The following RAMP1 variants were observed in gnomAD, a reference collection of about 807,000 sequenced individuals.
RAMP1 encodes the protein receptor activity-modifying protein 1.
RAMP1 carries 7 observed loss-of-function variants against 8.2 expected under a neutral mutation model. That is an observed-to-expected ratio of 0.85 (90% CI 0.49 to 1.60). RAMP1 has a LOEUF of 1.60. Ranked by LOEUF, RAMP1 falls within the 40% of genes most tolerant of loss-of-function variation. The pLI, the probability that RAMP1 is intolerant of heterozygous loss-of-function variation, is 0.00. For synonymous variants in RAMP1, 92 were observed against 84.7 expected, an observed-to-expected ratio of 1.09 and a Z score of -0.47; for missense variants, 192 against 202.4, an observed-to-expected ratio of 0.95 and a Z score of 0.31.
chr2:237,906,170 G>A (rs574042691), intron 2 of RAMP1, among the ~76,000 whole-genome samples: 66 of 152,158 alleles, frequency 4.3e-4, no homozygotes, highest in African/African-American at 1.5e-3. Flanking sequence ...GACTCAAACC[G>A]TCACGACTTC....
chr2:237,888,865 G>A (rs1383521372), intron 2 of RAMP1, among the ~76,000 whole-genome samples: 9 of 152,004 alleles, frequency 5.9e-5, no homozygotes, highest in East Asian at 1.9e-4. Context: ...CCTGCCTCCC[G>A]GGTTCAAGTG....
chr2:237,899,444 A>G lies in RAMP1; in HGVS notation c.192-12084A>G, dbSNP rs926415264. ...TCAAGGTTGTGGCTTTTTTAAAATC[A>G]GAAAAGAATATTGAGTTTTCTCAAA... is the stretch of plus-strand genomic sequence containing the variant. On this transcript the variant is annotated intron_variant, in intron 2 of 2. Transcript: ENST00000254661. Among the ~76,000 whole-genome samples the G allele has an allele frequency of 5.2e-5, 8 of 152,386 alleles. No homozygotes were observed. In the South Asian group the frequency reaches 8.3e-4, roughly 16 times the overall value.
chr2:237,871,462 C>T (rs1039788455), intron 1 of RAMP1, among the ~76,000 whole-genome samples: 3 of 152,166 alleles, frequency 2.0e-5, no homozygotes, highest in East Asian at 1.9e-4. Flanking sequence ...AGATGCTCAC[C>T]GGGGACAGAG....
intron 2 of RAMP1, 61 bp from the exon 3 acceptor site, chr2:237,911,467 G>A: frequency 6.3e-7 from 1 of 1,589,476 alleles, no homozygotes; most frequent in Non-Finnish European, 8.6e-7. Flanking sequence ...AGCCCGGGCT[G>A]GGGTCCCGCG....
Position 237,904,807 on chromosome 2 carries a change from C to T in RAMP1, c.192-6721C>T, listed in dbSNP as rs542051423. ...AATAGGAGACTAAGACTTGAACAAG[C>T]GAATGAGGTCTCCAGGATCACTCTG... is the stretch of plus-strand genomic sequence containing the variant. On this transcript the variant is annotated intron_variant, in intron 2 of 2. Transcript: ENST00000254661. Among the ~76,000 whole-genome samples the T allele has an allele frequency of 1.7e-4, 26 of 152,176 alleles. No individual in the cohort carries two copies. In the East Asian group the frequency reaches 2.9e-3, roughly 17 times the overall value.
intron 2 of RAMP1, among the ~76,000 whole-genome samples, chr2:237,894,823 C>A (rs930371183): frequency 2.6e-5 from 4 of 152,302 alleles, no homozygotes; most frequent in African/African-American, 9.6e-5. Flanking sequence ...CAAACACGTT[C>A]AAAGACGGAA....
At position 237,866,636 on chromosome 2, in the gene RAMP1, C is replaced by T. The variant is rs144486339; in HGVS notation, c.52+6909C>T. Among the ~76,000 whole-genome samples, 1,447 of 152,224 alleles carry T rather than the reference C, an allele frequency of 9.5e-3. 11 individuals are homozygous for T. The highest frequency in any genetic ancestry group is 0.015 in the Non-Finnish European group (1,053 of 68,026). On this transcript the variant is annotated intron_variant, in intron 1 of 2. Transcript: ENST00000254661. Reference sequence around the variant, plus strand: ...AGCTCTTGACTCCCCCAAAGCTTAACGACAGCCTACTATTGAGCAGAGGCC... The same window carrying T: ...AGCTCTTGACTCCCCCAAAGCTTAATGACAGCCTACTATTGAGCAGAGGCC...
intron 2 of RAMP1, among the ~76,000 whole-genome samples, chr2:237,902,401 G>A (rs1216403183): frequency 2.6e-5 from 4 of 151,456 alleles, no homozygotes; most frequent in Admixed American, 6.6e-5. Flanking sequence ...GGAAGAGGAG[G>A]GGCCAGAAGG....
intron 2 of RAMP1, among the ~76,000 whole-genome samples, chr2:237,887,789 A>G (rs1384977242): frequency 6.6e-6 from 1 of 152,186 alleles, no homozygotes. Flanking sequence ...AAATGTAAAC[A>G]TTAGCTGAGT....
At chr2:237,910,168 G>A (rs976442038) in intron 2 of RAMP1, among the ~76,000 whole-genome samples, 3 of 151,024 alleles carry the variant, frequency 2.0e-5, no homozygotes, top group Non-Finnish European at 4.4e-5. Flanking sequence ...ACAGTCACAC[G>A]TGCACACACA....
Position 237,862,605 on chromosome 2 carries a change from T to C in RAMP1, c.52+2878T>C, listed in dbSNP as rs1030613684. On this transcript the variant is annotated intron_variant, in intron 1 of 2. Coordinates refer to ENST00000254661, the MANE Select transcript of RAMP1 (RefSeq NM_005855.4). This position sits in a 1 kb window ranked among gnomAD's most constrained non-coding sequence, Gnocchi z 4.0. The stretch of plus-strand genomic sequence containing the variant: ...AACTGGCGTCTGGCTGACTGTGTGA[T>C]GCAGGTGCCATGTGTAGTGTGAATT... 6.6e-6 allele frequency among the ~76,000 whole-genome samples: 1 copy of C among 152,250 alleles called. No homozygotes were observed. The highest frequency in any genetic ancestry group is 2.4e-5 in the African/African-American group (1 of 41,460).
intron 2 of RAMP1, among the ~76,000 whole-genome samples, chr2:237,895,735 G>C (rs1576551367): frequency 6.6e-6 from 1 of 152,220 alleles, no homozygotes; most frequent in East Asian, 1.9e-4. Context: ...GGGCCGGCTG[G>C]CTGGGGCTGA....
At chr2:237,902,291 CGGGAGGAGGAGGAGGGGCT>C (rs1559953242) in intron 2 of RAMP1, among the ~76,000 whole-genome samples, 1 of 62,510 alleles carries the variant, frequency 1.6e-5, no homozygotes, top group Non-Finnish European at 3.1e-5. Context: ...AAGGAGGGAT[CGGGAGGAGGAGGAGGGGCT>C]GGGAGGAGGA....
intron 2 of RAMP1, among the ~76,000 whole-genome samples, chr2:237,882,381 G>A (rs969735599): frequency 1.3e-5 from 2 of 152,204 alleles, no homozygotes; most frequent in South Asian, 2.1e-4. Flanking sequence ...TTATTACCGC[G>A]TGCTGGGCTT....
At chr2:237,871,077 C>T (rs990787786) in intron 1 of RAMP1, among the ~76,000 whole-genome samples, 4 of 152,202 alleles carry the variant, frequency 2.6e-5, no homozygotes, top group East Asian at 1.9e-4. Flanking sequence ...AGGAACAACC[C>T]GGCCCTGGCC....
intron 2 of RAMP1, among the ~76,000 whole-genome samples, chr2:237,904,130 T>G (rs1490052889): frequency 6.6e-6 from 1 of 152,156 alleles, no homozygotes; most frequent in African/African-American, 2.4e-5. Flanking sequence ...GAAGAAATAT[T>G]GGGCCGGGCT....
chr2:237,882,926 G>A (rs1050388229), intron 2 of RAMP1, among the ~76,000 whole-genome samples: 1 of 152,176 alleles, frequency 6.6e-6, no homozygotes, highest in Non-Finnish European at 1.5e-5. Flanking sequence ...CTGGCCTCAG[G>A]GAATGCTCCC....
At chr2:237,906,585 T>G (rs73094348) in intron 2 of RAMP1, among the ~76,000 whole-genome samples, 1,673 of 152,260 alleles carry the variant, frequency 0.011, 28 homozygotes, top group African/African-American at 0.038. Flanking sequence ...TTTGGAGCCC[T>G]TCATCTATTT....
intron 2 of RAMP1, among the ~76,000 whole-genome samples, chr2:237,906,280 G>A (rs1397083331): frequency 6.6e-6 from 1 of 152,076 alleles, no homozygotes; most frequent in Non-Finnish European, 1.5e-5. Context: ...CACACTCTCT[G>A]CTGCCTCTCC....
Sources: allele counts gnomAD v4.1 joint callset (sites outside exome capture counted in the v4.1 genomes callset), GRCh38; gene constraint gnomAD v4.1.1; non-coding constraint Gnocchi (gnomAD v3.1); transcripts MANE v1.5; gene names NCBI Gene and HGNC (gene_info 2026-07-23, HGNC 2026-07-21).